ACYP2: variants seen among roughly 807,000 people sequenced by gnomAD.
ACYP2 encodes acylphosphatase 2.
Under a neutral mutation model 11.2 loss-of-function variants are expected in ACYP2, and 12 were observed. That is an observed-to-expected ratio of 1.08 (90% confidence interval 0.69 to 1.74). ACYP2 has a LOEUF of 1.74. Among genes scored for constraint, ACYP2 ranks in the 40% most tolerant of loss-of-function variants. ACYP2 has a pLI of 0.00. For synonymous variants in ACYP2, 43 were observed against 32.2 expected (o/e 1.33, Z -1.13); for missense variants, 134 against 101.9 (o/e 1.31, Z -1.35).
At chr2:54,276,634 CA>C (rs1338945278) in intron 6 of ACYP2, among the ~76,000 whole-genome samples, 2 of 87,592 alleles carry the variant, frequency 2.3e-5, no homozygotes, top group African/African-American at 1.1e-4. Context: ...CACACACACA[CA>C]CACACACACA....
At chr2:54,141,213 T>A (rs1368708257) in intron 6 of ACYP2, among the ~76,000 whole-genome samples, 1 of 152,238 alleles carries the variant, frequency 6.6e-6, no homozygotes, top group East Asian at 1.9e-4. Context: ...TATCTGTTAT[T>A]GCTTTTGCAG....
chr2:54,107,654 C>G (rs1679238203), intron 4 of ACYP2, among the ~76,000 whole-genome samples: 1 of 152,202 alleles, frequency 6.6e-6, no homozygotes, highest in South Asian at 2.1e-4. Context: ...GAAAGAGGCT[C>G]TTGGTCACTC....
chr2:54,168,802 AAC>A (rs1683113468), intron 6 of ACYP2, among the ~76,000 whole-genome samples: 1 of 152,234 alleles, frequency 6.6e-6, no homozygotes, highest in Admixed American at 6.5e-5. Context: ...TATTATAGAT[AAC>A]ACATTAATTG....
In ACYP2 at chr2:53,980,189, C is replaced by CA. The variant is rs1671681113; in HGVS notation, c.62+6385dup. Among the ~76,000 whole-genome samples, 6 of 151,856 alleles carry CA rather than the reference C, an allele frequency of 4.0e-5. No homozygotes were observed. In the South Asian group the frequency reaches 1.3e-3, roughly 32 times the overall value. On this transcript the variant is annotated intron_variant, in intron 2 of 6. Coordinates refer to ENST00000607452, the MANE Select transcript of ACYP2 (RefSeq NM_001320586.2). ...GCAACATAGCAAGACTCCATCTCTA[C>CA]AAAAAATTTAAAAATTAGCCAGGCG... is the stretch of plus-strand genomic sequence containing the variant.
At chr2:54,257,239 T>G (rs1687598417) in intron 6 of ACYP2, among the ~76,000 whole-genome samples, 1 of 152,206 alleles carries the variant, frequency 6.6e-6, no homozygotes, top group African/African-American at 2.4e-5. Context: ...AAGAGGAATC[T>G]TATCTCACCA....
At chr2:54,032,714 A>G (rs1342117772) in intron 2 of ACYP2, among the ~76,000 whole-genome samples, 1 of 152,130 alleles carries the variant, frequency 6.6e-6, no homozygotes, top group Admixed American at 6.6e-5. Flanking sequence ...AATTACTCCC[A>G]TTCACAATTG....
At chr2:54,115,701 G>A in intron 4 of ACYP2, 1 of 1,612,446 alleles carries the variant, frequency 6.2e-7, no homozygotes, top group Non-Finnish European at 8.5e-7. Flanking sequence ...CCGCCGCCAT[G>A]TCTACCGCCC....
chr2:54,298,724 A>C (rs1689613332), intron 6 of ACYP2, among the ~76,000 whole-genome samples: 1 of 152,222 alleles, frequency 6.6e-6, no homozygotes, highest in Admixed American at 6.5e-5. Context: ...ACAGGAGAGC[A>C]GCTGCCCTGT....
intron 2 of ACYP2, among the ~76,000 whole-genome samples, chr2:54,015,994 G>A (rs1276611910): frequency 3.3e-5 from 5 of 152,054 alleles, no homozygotes; most frequent in Non-Finnish European, 7.4e-5. Context: ...TCTCATTGCT[G>A]TCAGAACAAG....
At chr2:54,007,138 C>CAAAAAAAAAAAA (rs70944145) in intron 2 of ACYP2, among the ~76,000 whole-genome samples, 45 of 52,150 alleles carry the variant, frequency 8.6e-4, no homozygotes, top group Non-Finnish European at 1.1e-3. Flanking sequence ...GACTCTGTGT[C>CAAAAAAAAAAAA]AAAAAAAAAA....
intron 6 of ACYP2, among the ~76,000 whole-genome samples, chr2:54,143,781 T>G: frequency 6.7e-6 from 1 of 149,972 alleles, no homozygotes; most frequent in African/African-American, 2.5e-5. Context: ...TCTATCATGT[T>G]TTGATTTTAA....
At chr2:54,096,593 G>A (rs1337150326) in intron 4 of ACYP2, among the ~76,000 whole-genome samples, 4 of 152,172 alleles carry the variant, frequency 2.6e-5, no homozygotes, top group African/African-American at 9.6e-5. Context: ...CACCTCGGGA[G>A]GCCGAGGCTG....
intron 6 of ACYP2, among the ~76,000 whole-genome samples, chr2:54,219,699 A>G (rs1685700261): frequency 6.6e-6 from 1 of 151,382 alleles, no homozygotes; most frequent in African/African-American, 2.4e-5. Flanking sequence ...GCTCACTGCA[A>G]CCTCCACCTC....
At chr2:54,096,845 G>A (rs13429859) in intron 4 of ACYP2, among the ~76,000 whole-genome samples, 3 of 151,980 alleles carry the variant, frequency 2.0e-5, no homozygotes, top group South Asian at 2.1e-4. Context: ...GAGGGAGACC[G>A]TGGGGAGAGG....
At chr2:53,974,088 G>A (rs184600441) in intron 2 of ACYP2, among the ~76,000 whole-genome samples, 2 of 150,552 alleles carry the variant, frequency 1.3e-5, no homozygotes, top group Admixed American at 6.6e-5. Context: ...TTTTTTTTCG[G>A]TATTTTTAGT....
At chr2:54,016,101 C>T (rs1673667458) in intron 2 of ACYP2, among the ~76,000 whole-genome samples, 1 of 151,970 alleles carries the variant, frequency 6.6e-6, no homozygotes, top group African/African-American at 2.4e-5. Context: ...ACCTAAATTG[C>T]TTGACTTAAT....
At chr2:54,175,523 C>T (rs1479017266) in intron 6 of ACYP2, among the ~76,000 whole-genome samples, 1 of 151,962 alleles carries the variant, frequency 6.6e-6, no homozygotes, top group Non-Finnish European at 1.5e-5. Flanking sequence ...TTTTGTATCT[C>T]TATCTCCTTC....
chr2:54,010,291 C>G (rs1673287006), intron 2 of ACYP2, among the ~76,000 whole-genome samples: 2 of 152,128 alleles, frequency 1.3e-5, no homozygotes, highest in Admixed American at 1.3e-4. Context: ...CAAGACCATC[C>G]TGGCCAACAT....
At chr2:54,266,573 T>C (rs1009991523) in intron 6 of ACYP2, among the ~76,000 whole-genome samples, 1 of 140,994 alleles carries the variant, frequency 7.1e-6, no homozygotes, top group Non-Finnish European at 1.5e-5. Context: ...GATAGATAGA[T>C]ATAGATATCT....
Sources: gnomAD v4.1 joint callset for allele counts (sites outside exome capture counted in the v4.1 genomes callset) on GRCh38, gnomAD v4.1.1 for gene constraint, MANE v1.5 for transcripts, NCBI Gene and HGNC (gene_info 2026-07-23, HGNC 2026-07-21) for gene names.